The following ITGB6 variants were observed in gnomAD, a reference collection of about 807,000 sequenced individuals.
ITGB6 encodes the protein integrin subunit beta 6.
In ITGB6, 80 loss-of-function variants were observed where a neutral mutation model predicts 84.5. The ratio of observed to expected loss-of-function variants is 0.95; its 90% CI spans 0.79 to 1.14. The LOEUF is 1.14. Ranked by LOEUF, ITGB6 falls within the 50% of genes most tolerant of loss-of-function variation. ITGB6 has a pLI of 0.00. For synonymous variants in ITGB6, 383 were observed against 354.9 expected (o/e 1.08, Z -0.89); for missense variants, 1,006 against 968.0 (o/e 1.04, Z -0.52).
At position 160,150,431 on chromosome 2, in the gene ITGB6, C is replaced by T. The variant is rs1171485142; in HGVS notation, c.1018-8360G>A. 2.6e-5 allele frequency among the ~76,000 whole-genome samples: 4 copies of T among 152,304 alleles called. No homozygotes were observed. In the East Asian group the frequency reaches 7.7e-4, roughly 29 times the overall value. ...CTGAGAGATTTTGTCACCACCAGGC[C>T]TGCCTTACAAGAGCTCCTGAAGGAA... On this transcript the variant is annotated intron_variant, in intron 7 of 14. Transcript: ENST00000283249.
intron 13 of ITGB6, among the ~76,000 whole-genome samples, chr2:160,110,454 A>G (rs534185858): frequency 1.3e-5 from 2 of 152,256 alleles, no homozygotes; most frequent in East Asian, 3.9e-4. Context: ...CCCCTTTTCT[A>G]TCCTCATCAC....
At chr2:160,137,285 G>T (rs989769143) in intron 10 of ITGB6, 149 bp downstream of exon 10, 7 of 670,940 alleles carry the variant, frequency 1.0e-5, no homozygotes, top group African/African-American at 1.8e-5. Flanking sequence ...ACCTACAAGA[G>T]AAGATTCAGT....
intron 1 of ITGB6, 35 bp from the exon 2 acceptor site, chr2:160,199,293 T>C (rs759053473): frequency 1.3e-6 from 2 of 1,513,046 alleles, no homozygotes; most frequent in South Asian, 2.2e-5. Flanking sequence ...AGGGATTAAG[T>C]ACACTTTCAG....
rs192125307 is a variant in ITGB6, at chr2:160,191,936, T to A, written c.593+3433A>T. Among the ~76,000 whole-genome samples, 6 of 152,196 alleles carry A rather than the reference T, an allele frequency of 3.9e-5. No homozygotes were observed. The East Asian group carries it at 1.2e-3, about 29-fold the overall frequency. The stretch of plus-strand genomic sequence containing the variant: ...AATAAAACAAAACATGTGCAAGATA[T>A]CTACCCTGAAAATGACAAAACATTG... On this transcript the variant is annotated intron_variant, in intron 4 of 14. Coordinates refer to ENST00000283249, the MANE Select transcript of ITGB6 (RefSeq NM_000888.5).
At chr2:160,135,656 C>T (rs1683680869) in intron 10 of ITGB6, among the ~76,000 whole-genome samples, 2 of 151,464 alleles carry the variant, frequency 1.3e-5, no homozygotes, top group African/African-American at 4.8e-5. Context: ...TCAAACTATA[C>T]TACAAGGCTA....
At position 160,195,629 on chromosome 2, in the gene ITGB6, C is replaced by A. The variant is rs1559238870; in HGVS notation, c.347-14G>T. On this transcript the variant is annotated splice_polypyrimidine_tract_variant and intron_variant, in intron 3 of 14. Transcript: ENST00000283249. ...TCTGCGCACCACCTGCAAAGCCCAA[C>A]AGGAAAAGCAAACCCAGGAAAACAC... The A allele has an allele frequency of 6.2e-7, 1 of 1,612,626 alleles. No homozygotes were observed. The highest frequency in any genetic ancestry group is 8.5e-7 in the Non-Finnish European group (1 of 1,179,178).
chr2:160,107,743 G>C lies in ITGB6; in HGVS notation c.2204C>G (p.Ser735Ter). ...VLLCIWKLLV[S>*]FHDRKEVAKF... ...GGCAACTTCTTTACGATCATGAAAT[G>C]ACACCAGTAGCTTCCAGATGCACAG... The change falls in exon 14 of 15, where the codon TCA becomes TGA. Residue 735 changes from serine (S) to a stop codon, truncating the protein, a stop_gained. Transcript: ENST00000283249. LOFTEE classifies it high-confidence loss of function. 1 of 1,614,052 alleles carries C rather than the reference G, an allele frequency of 6.2e-7. No homozygotes were observed. Among genetic ancestry groups the C allele is most frequent in the Non-Finnish European group, 8.5e-7 (1 of 1,179,938 alleles).
In ITGB6 at chr2:160,100,244, T is replaced by G. The variant is rs1696662988; in HGVS notation, c.*1492A>C. 1 of 152,214 alleles carries G rather than the reference T, an allele frequency of 6.6e-6. No individual in the cohort carries two copies. Among genetic ancestry groups the G allele is most frequent in the African/African-American group, 2.4e-5 (1 of 41,448 alleles). 9.4% of individuals were successfully genotyped at this position (152,214 alleles called of 1,614,324 possible). The stretch of plus-strand genomic sequence containing the variant: ...CAATTCAATGGACAACCACGAAGCC[T>G]CCACTACATAATGAACTATTCACCT... On this transcript the variant is annotated 3_prime_UTR_variant, in exon 15 of 15. Transcript: ENST00000283249.
intron 7 of ITGB6, among the ~76,000 whole-genome samples, chr2:160,153,009 T>G (rs543180300): frequency 1.3e-5 from 2 of 152,218 alleles, no homozygotes; most frequent in African/African-American, 4.8e-5. Context: ...ATGGTCATAC[T>G]GCCCAAGGTA....
intron 10 of ITGB6, among the ~76,000 whole-genome samples, chr2:160,132,135 T>C (rs1344342112): frequency 2.0e-5 from 3 of 152,152 alleles, no homozygotes; most frequent in Non-Finnish European, 2.9e-5. Flanking sequence ...GCCCAATATA[T>C]CCTCTCTGTG....
At chr2:160,143,149 G>T (rs1417031718) in intron 7 of ITGB6, among the ~76,000 whole-genome samples, 2 of 152,076 alleles carry the variant, frequency 1.3e-5, no homozygotes, top group African/African-American at 2.4e-5. Flanking sequence ...GTAGCTTGGT[G>T]TGGTGGCACG....
intron 4 of ITGB6, among the ~76,000 whole-genome samples, chr2:160,186,944 T>C (rs1259689186): frequency 6.1e-5 from 8 of 130,102 alleles, no homozygotes; most frequent in African/African-American, 2.0e-4. Context: ...GAGGGGAACA[T>C]CACACACCAG....
At chr2:160,170,133 A>G (rs1685148581) in intron 6 of ITGB6, among the ~76,000 whole-genome samples, 1 of 152,240 alleles carries the variant, frequency 6.6e-6, no homozygotes, top group South Asian at 2.1e-4. Context: ...ATTATGACAT[A>G]AGTAACATAT....
At chr2:160,109,650 G>T (rs1376027089) in intron 13 of ITGB6, among the ~76,000 whole-genome samples, 1 of 152,234 alleles carries the variant, frequency 6.6e-6, no homozygotes, top group Non-Finnish European at 1.5e-5. Context: ...TTCATACTTG[G>T]ATGTTTCTTG....
chr2:160,151,355 T>C (rs1256001141), intron 7 of ITGB6, among the ~76,000 whole-genome samples: 1 of 152,074 alleles, frequency 6.6e-6, no homozygotes, highest in Admixed American at 6.5e-5. Flanking sequence ...ACTGGGTACA[T>C]AACAAAATGA....
chr2:160,158,496 C>G (rs185926946), intron 7 of ITGB6, among the ~76,000 whole-genome samples: 76 of 152,304 alleles, frequency 5.0e-4, no homozygotes, highest in African/African-American at 1.7e-3. Flanking sequence ...TACTTCAGAT[C>G]TTCTCTTAAT....
intron 4 of ITGB6, among the ~76,000 whole-genome samples, chr2:160,184,272 C>T (rs1470366730): frequency 2.0e-5 from 3 of 152,078 alleles, no homozygotes; most frequent in African/African-American, 7.2e-5. Context: ...ATCAAACAGA[C>T]ACAATAAAAA....
chr2:160,106,534 A>G (rs1378765457), intron 14 of ITGB6, among the ~76,000 whole-genome samples: 1 of 152,224 alleles, frequency 6.6e-6, no homozygotes, highest in African/African-American at 2.4e-5. Context: ...CACCATGCCC[A>G]GCCTTTTTCC....
At position 160,102,451 on chromosome 2, in the gene ITGB6, T is replaced by G. The variant is rs1696757185; in HGVS notation, c.2269-617A>C. Among the ~76,000 whole-genome samples the G allele has an allele frequency of 2.0e-5, 3 of 152,212 alleles. No homozygotes were observed. The South Asian group carries it at 6.2e-4, about 32-fold the overall frequency. On this transcript the variant is annotated intron_variant, in intron 14 of 14. Coordinates refer to ENST00000283249, the MANE Select transcript of ITGB6 (RefSeq NM_000888.5). Reference sequence around the variant, plus strand: ...TGCCCTGGGTAGCCAAAGAACCAGCTGTCTTTTGCTTACTATGTACAACAC... The same window carrying G: ...TGCCCTGGGTAGCCAAAGAACCAGCGGTCTTTTGCTTACTATGTACAACAC...
Sources: gnomAD v4.1 joint callset for allele counts (sites outside exome capture counted in the v4.1 genomes callset) on GRCh38, gnomAD v4.1.1 for gene constraint, MANE v1.5 for transcripts, NCBI Gene and HGNC (gene_info 2026-07-23, HGNC 2026-07-21) for gene names.